FOXR1: variants seen among roughly 807,000 people sequenced by gnomAD.
FOXR1 encodes the protein forkhead box protein R1.
Under a neutral mutation model 34.5 loss-of-function variants are expected in FOXR1, and 25 were observed. The observed-to-expected ratio is 0.72, with a 90% confidence interval of 0.53 to 1.01. The LOEUF (loss-of-function observed/expected upper bound fraction) is 1.01. FOXR1 is among the 50% of genes least tolerant of loss of function. FOXR1 has a pLI of 0.00. For synonymous variants in FOXR1, 153 were observed against 141.6 expected (o/e 1.08, Z -0.57); for missense variants, 373 against 376.2 (o/e 0.99, Z 0.07).
chr11:118,980,336 G>A (rs1257072919), intron 4 of FOXR1, 154 bp from the exon 5 acceptor site: 6 of 841,050 alleles, frequency 7.1e-6, no homozygotes, highest in Admixed American at 3.8e-5. Flanking sequence ...GCTTTGCCAC[G>A]TGCTCAGTTA....
chr11:118,974,393 G>T (rs1941753597), intron 1 of FOXR1, among the ~76,000 whole-genome samples: 1 of 152,094 alleles, frequency 6.6e-6, no homozygotes, highest in Non-Finnish European at 1.5e-5. Flanking sequence ...TTGTAGAGAT[G>T]GGGATCTCCC....
chr11:118,978,866 G>A lies in FOXR1; in HGVS notation c.136+10G>A, dbSNP rs1941810539. ...AACCCTGATAAGGATGGTACGTATT[G>A]AGTTCTCTGACCTGTTTCTGTGGCC... On this transcript the variant is annotated intron_variant, in intron 2 of 5. Coordinates refer to ENST00000317011, the MANE Select transcript of FOXR1 (RefSeq NM_181721.3). The A allele has an allele frequency of 6.2e-7, 1 of 1,614,084 alleles. No homozygotes were observed.
intron 3 of FOXR1, 46 bp downstream of exon 3, chr11:118,979,250 G>A: frequency 6.6e-7 from 1 of 1,505,454 alleles, no homozygotes; most frequent in Non-Finnish European, 8.8e-7. Context: ...AGTAGGCGAG[G>A]GGCATGGGGA....
rs782674991 is a variant in FOXR1, at chr11:118,981,159, A to G, written c.851-49A>G. 15 of 1,596,904 alleles carry G rather than the reference A, an allele frequency of 9.4e-6. No individual in the cohort carries two copies. The East Asian group carries it at 3.4e-4, about 36-fold the overall frequency. ...ATGAGAGAGCATCCCAGGCCTAGGA[A>G]ACAGCAATTGTGAAGTATAAACTCC... On this transcript the variant is annotated intron_variant, in intron 5 of 5. Coordinates refer to ENST00000317011, the MANE Select transcript of FOXR1 (RefSeq NM_181721.3).
At position 118,979,477 on chromosome 11, in the gene FOXR1, C is replaced by CAGCT. The variant is rs782088626; in HGVS notation, c.421_424dup (p.Ser142Ter). The CAGCT allele has an allele frequency of 1.2e-6, 2 of 1,611,682 alleles. No individual in the cohort carries two copies. Among genetic ancestry groups the CAGCT allele is most frequent in the Admixed American group, 3.3e-5 (2 of 59,712 alleles). The stretch of plus-strand genomic sequence containing the variant: ...AGGAGGAGGCTGAGGACCAGGAAGA[C>CAGCT]AGCTCCTCTATGGCTCTCCCATCCC... On this transcript the variant is annotated frameshift_variant, in exon 4 of 6. Coordinates refer to ENST00000317011, the MANE Select transcript of FOXR1 (RefSeq NM_181721.3). LOFTEE classifies it high-confidence loss of function.
intron 1 of FOXR1, among the ~76,000 whole-genome samples, chr11:118,976,841 G>T (rs963666131): frequency 6.6e-6 from 1 of 151,952 alleles, no homozygotes; most frequent in Admixed American, 6.6e-5. Flanking sequence ...TGATCATCTC[G>T]TTAGCCATTC....
rs373373688 is a variant in FOXR1 at position 118,979,022 on chromosome 11, C to A, written c.202C>A (p.Leu68Met). 2 of 1,601,578 alleles carry A rather than the reference C, an allele frequency of 1.2e-6. No homozygotes were observed. The highest frequency in any genetic ancestry group is 1.7e-5 in the Admixed American group (1 of 58,224). ...NPNIVYPPGK[L>M]EVSGRRKRED... Reference sequence around the variant, plus strand: ...CAACATTGTGTATCCCCCTGGAAAGCTGGAGGTCTCAGGACGTAGGAAGAG... The same window carrying A: ...CAACATTGTGTATCCCCCTGGAAAGATGGAGGTCTCAGGACGTAGGAAGAG... Residue 68 changes from leucine (L) to methionine (M), a missense_variant, in exon 3 of 6, where the codon CTG (leucine) becomes ATG (methionine). Leu to Met is a conservative substitution (Grantham distance 15). Coordinates refer to ENST00000317011, the MANE Select transcript of FOXR1 (RefSeq NM_181721.3).
At chr11:118,976,168 G>A (rs974660531) in intron 1 of FOXR1, among the ~76,000 whole-genome samples, 4 of 152,114 alleles carry the variant, frequency 2.6e-5, no homozygotes, top group African/African-American at 4.8e-5. Context: ...AGTCAAACTC[G>A]CTGGAGAAGA....
rs937643281 is a variant in FOXR1 at position 118,974,147 on chromosome 11, G to C, written c.61+2155G>C. Reference sequence around the variant, plus strand: ...GTAAGGCTGGATGACAGTAAATAAAGAGCTCCAAAGGGTGTGGTTGAGAGC... The same window carrying C: ...GTAAGGCTGGATGACAGTAAATAAACAGCTCCAAAGGGTGTGGTTGAGAGC... On this transcript the variant is annotated intron_variant, in intron 1 of 5. Coordinates refer to ENST00000317011, the MANE Select transcript of FOXR1 (RefSeq NM_181721.3). Among the ~76,000 whole-genome samples, 14 of 152,206 alleles carry C rather than the reference G, an allele frequency of 9.2e-5. 2 individuals carry two copies. Among genetic ancestry groups the C allele is most frequent in the Admixed American group, 7.9e-4 (12 of 15,276 alleles).
At chr11:118,977,545 G>A (rs575905367) in intron 1 of FOXR1, among the ~76,000 whole-genome samples, 24 of 152,154 alleles carry the variant, frequency 1.6e-4, no homozygotes, top group Non-Finnish European at 3.2e-4. Context: ...AACCAAGCAA[G>A]ACCCTGTCTC....
At chr11:118,976,349 C>G (rs770186055) in intron 1 of FOXR1, among the ~76,000 whole-genome samples, 2 of 152,218 alleles carry the variant, frequency 1.3e-5, no homozygotes, top group Non-Finnish European at 2.9e-5. Flanking sequence ...CTCACGCCAC[C>G]ACACTCGGCT....
Position 118,971,871 on chromosome 11 carries a change from C to G in FOXR1, c.-61C>G. 6.5e-7 allele frequency: 1 copy of G among 1,533,162 alleles called. No individual in the cohort carries two copies. The highest frequency in any genetic ancestry group is 8.8e-7 in the Non-Finnish European group (1 of 1,131,356). The allele number at this position is 1,533,162 out of a possible 1,614,324, so 95.0% of individuals were successfully genotyped here. A position where few individuals can be genotyped will look rare whatever the true frequency, so the allele number is the denominator to read the frequency against. On this transcript the variant is annotated 5_prime_UTR_variant, in exon 1 of 6. Transcript: ENST00000317011. ...CAGCCCCGAAGGTGGACGTGAAGCT[C>G]CAACACCTCGACTTCTGGGCCCGCC...
At chr11:118,972,391 T>A (rs1272783548) in intron 1 of FOXR1, among the ~76,000 whole-genome samples, 1 of 151,926 alleles carries the variant, frequency 6.6e-6, no homozygotes, top group Non-Finnish European at 1.5e-5. Flanking sequence ...TACTTTTCCG[T>A]CTCTTAAAAA....
intron 5 of FOXR1, among the ~76,000 whole-genome samples, chr11:118,980,968 C>T (rs1218676042): frequency 6.6e-6 from 1 of 152,168 alleles, no homozygotes; most frequent in African/African-American, 2.4e-5. Flanking sequence ...GGGCAACTGG[C>T]CTTACCAAGA....
At chr11:118,973,559 C>T (rs1408980536) in intron 1 of FOXR1, among the ~76,000 whole-genome samples, 1 of 151,984 alleles carries the variant, frequency 6.6e-6, no homozygotes, top group Non-Finnish European at 1.5e-5. Flanking sequence ...GCTACCATGC[C>T]CAGCTAATTT....
chr11:118,973,883 A>G (rs535861515), intron 1 of FOXR1, among the ~76,000 whole-genome samples: 68 of 151,986 alleles, frequency 4.5e-4, no homozygotes, highest in Non-Finnish European at 9.6e-4. Flanking sequence ...TAGTAGAGAC[A>G]GGGTTTCACC....
Position 118,981,275 on chromosome 11 carries a change from T to G in FOXR1, c.*39T>G. The G allele has an allele frequency of 6.2e-7, 1 of 1,604,848 alleles. No homozygotes were observed. The highest frequency in any genetic ancestry group is 8.5e-7 in the Non-Finnish European group (1 of 1,171,632). On this transcript the variant is annotated 3_prime_UTR_variant, in exon 6 of 6. Coordinates refer to ENST00000317011, the MANE Select transcript of FOXR1 (RefSeq NM_181721.3). The stretch of plus-strand genomic sequence containing the variant: ...CAGCCAGCTAATGCTTTATTAAAAT[T>G]ACCCTCACTAGCCTTCTGTGTGTGT...
chr11:118,972,304 C>T (rs1310672662), intron 1 of FOXR1, among the ~76,000 whole-genome samples: 9 of 152,120 alleles, frequency 5.9e-5, no homozygotes, highest in Admixed American at 4.6e-4. Flanking sequence ...ACCCGCCAGG[C>T]TCCCAGAACA....
chr11:118,980,656 C>T lies in FOXR1; in HGVS notation c.778C>T (p.Arg260Cys), dbSNP rs782742201. The T allele has an allele frequency of 2.5e-5, 41 of 1,613,846 alleles. No individual in the cohort carries two copies. Among genetic ancestry groups the T allele is most frequent in the Non-Finnish European group, 3.0e-5 (35 of 1,180,052 alleles). ...GAAGTTGACCGAGGAGGGACACCGCCGCTTTGCGGAGGAGGCCCGCGCCTT... is the reference window on the plus strand; with the variant it reads ...GAAGTTGACCGAGGAGGGACACCGCTGCTTTGCGGAGGAGGCCCGCGCCTT... Reference protein sequence around the residue: ...LWKLTEEGHRRFAEEARALAS... With the variant: ...LWKLTEEGHRCFAEEARALAS... Residue 260 changes from arginine (R) to cysteine (C), a missense_variant, in exon 5 of 6, where the codon CGC (arginine) becomes TGC (cysteine). Coordinates refer to ENST00000317011, the MANE Select transcript of FOXR1 (RefSeq NM_181721.3).
Sources: allele counts gnomAD v4.1 joint callset (sites outside exome capture counted in the v4.1 genomes callset), GRCh38; gene constraint gnomAD v4.1.1; transcripts MANE v1.5; gene names NCBI Gene and HGNC (gene_info 2026-07-23, HGNC 2026-07-21).